PHACTR1: variants seen among roughly 807,000 people sequenced by gnomAD.
The protein encoded by PHACTR1 is phosphatase and actin regulator 1.
Under a neutral mutation model 69.2 loss-of-function variants are expected in PHACTR1, and 16 were observed. That is an observed-to-expected ratio of 0.23 (90% CI 0.16 to 0.35). The LOEUF is 0.35. PHACTR1 is among the 10% of genes least tolerant of loss of function. The pLI, the probability that PHACTR1 is intolerant of heterozygous loss-of-function variation, is 1.00. For synonymous variants in PHACTR1, 312 were observed against 284.5 expected (o/e 1.10, Z -0.97); for missense variants, 510 against 734.7 (o/e 0.69, Z 3.54).
At chr6:12,935,435 G>A (rs756118464) in intron 4 of PHACTR1, among the ~76,000 whole-genome samples, 1 of 151,954 alleles carries the variant, frequency 6.6e-6, no homozygotes, top group Non-Finnish European at 1.5e-5. Flanking sequence ...GTAGAAATGG[G>A]GTTTCACCAT....
intron 3 of PHACTR1, among the ~76,000 whole-genome samples, chr6:12,732,911 A>T (rs1163080564): frequency 6.6e-6 from 1 of 152,104 alleles, no homozygotes; most frequent in Non-Finnish European, 1.5e-5. Flanking sequence ...ATGTCCCTGG[A>T]TCTGTTCTGC....
In PHACTR1 at chr6:13,071,941, A is replaced by G. The variant is rs140079078; in HGVS notation, c.415+18412A>G. ...TGTTTCTAAGAAGATTATATGAAGC[A>G]ACTATGAACTGTAATTCAGCAGCAT... On this transcript the variant is annotated intron_variant, in intron 5 of 14. Transcript: ENST00000332995. 4.9e-4 allele frequency among the ~76,000 whole-genome samples: 75 copies of G among 152,356 alleles called. No individual in the cohort carries two copies. The Middle Eastern group carries it at 0.01, about 21-fold the overall frequency.
intron 5 of PHACTR1, among the ~76,000 whole-genome samples, chr6:13,143,653 T>C (rs1299087609): frequency 6.6e-6 from 1 of 152,098 alleles, no homozygotes; most frequent in African/African-American, 2.4e-5. Flanking sequence ...ACTTGAGTGA[T>C]AAAAATAAAT....
At chr6:13,194,896 C>G (rs1764154901) in intron 7 of PHACTR1, among the ~76,000 whole-genome samples, 1 of 151,992 alleles carries the variant, frequency 6.6e-6, no homozygotes, top group Non-Finnish European at 1.5e-5. Flanking sequence ...GGTTATGATT[C>G]CAGATCTGAG....
intron 4 of PHACTR1, among the ~76,000 whole-genome samples, chr6:12,889,808 T>G (rs1783996412): frequency 6.6e-6 from 1 of 150,742 alleles, no homozygotes; most frequent in Admixed American, 6.6e-5. Flanking sequence ...TTTTTTTTTT[T>G]TTTTTTAAAC....
rs1353221455 is a variant in PHACTR1, at chr6:13,179,564, A to G, written c.497-2955A>G. ...TTATTGCTACCCATCTTGGTCATAAATGATATTAATAATGAATTTGTACTT... is the reference window on the plus strand; with the variant it reads ...TTATTGCTACCCATCTTGGTCATAAGTGATATTAATAATGAATTTGTACTT... On this transcript the variant is annotated intron_variant, in intron 6 of 14. Transcript: ENST00000332995. This position sits in a 1 kb window ranked among gnomAD's most constrained non-coding sequence, Gnocchi z 4.2. Among the ~76,000 whole-genome samples, 1 of 152,178 alleles carries G rather than the reference A, an allele frequency of 6.6e-6. No individual in the cohort carries two copies. The highest frequency in any genetic ancestry group is 1.5e-5 in the Non-Finnish European group (1 of 68,034).
intron 5 of PHACTR1, among the ~76,000 whole-genome samples, chr6:13,133,738 G>A (rs1241502103): frequency 6.6e-5 from 10 of 151,888 alleles, no homozygotes; most frequent in Admixed American, 3.3e-4. Context: ...AGTGAGGAGC[G>A]TCTCTGCCTG....
intron 4 of PHACTR1, among the ~76,000 whole-genome samples, chr6:12,912,248 C>T (rs961707563): frequency 1.3e-5 from 2 of 152,218 alleles, no homozygotes; most frequent in African/African-American, 4.8e-5. Flanking sequence ...GATCCACCCA[C>T]CTTGTCCTCC....
intron 4 of PHACTR1, among the ~76,000 whole-genome samples, chr6:13,000,660 G>GGAA (rs1797991289): frequency 7.8e-6 from 1 of 128,284 alleles, no homozygotes; most frequent in Non-Finnish European, 1.6e-5. Flanking sequence ...AGGGAGGAAG[G>GGAA]GGAAGGAAGG....
intron 6 of PHACTR1, among the ~76,000 whole-genome samples, chr6:13,173,426 C>G (rs1021898421): frequency 6.6e-5 from 10 of 152,108 alleles, no homozygotes; most frequent in Non-Finnish European, 1.2e-4. Context: ...ACTATGGCAC[C>G]ATGTAATCAC....
At chr6:12,860,926 T>C (rs1446057683) in intron 4 of PHACTR1, among the ~76,000 whole-genome samples, 1 of 152,262 alleles carries the variant, frequency 6.6e-6, no homozygotes, top group Non-Finnish European at 1.5e-5. Context: ...CTAATTTTTA[T>C]GGGCAAGTAA....
rs551734457 is a variant in PHACTR1, at chr6:13,171,918, ACCATGC to A, written c.497-10598_497-10593del. ...GTAGCTGGGATTACAGGCATGCGCC[ACCATGC>A]CCGGCTAATTTTTTGTATTTTTTGT... is the stretch of plus-strand genomic sequence containing the variant. On this transcript the variant is annotated intron_variant, in intron 6 of 14. Transcript: ENST00000332995. 5.3e-4 allele frequency among the ~76,000 whole-genome samples: 81 copies of A among 152,284 alleles called. 3 individuals carry two copies. In the South Asian group the frequency reaches 0.011, roughly 20 times the overall value.
At chr6:12,792,355 T>C (rs1249966553) in intron 4 of PHACTR1, among the ~76,000 whole-genome samples, 5 of 147,898 alleles carry the variant, frequency 3.4e-5, no homozygotes, top group Non-Finnish European at 7.4e-5. Flanking sequence ...TCCCAGCTAC[T>C]TGGGAGGCTG....
At chr6:12,920,583 C>G (rs1274599252) in intron 4 of PHACTR1, among the ~76,000 whole-genome samples, 1 of 152,140 alleles carries the variant, frequency 6.6e-6, no homozygotes, top group Non-Finnish European at 1.5e-5. Context: ...TTTTCCCTGC[C>G]AGGCACTATA....
At chr6:12,909,343 C>T (rs983958259) in intron 4 of PHACTR1, among the ~76,000 whole-genome samples, 2 of 152,106 alleles carry the variant, frequency 1.3e-5, no homozygotes, top group African/African-American at 2.4e-5. Flanking sequence ...ATTGTGGTGC[C>T]GTCTTAAACT....
intron 3 of PHACTR1, chr6:12,749,336 G>C: frequency 2.2e-6 from 1 of 455,458 alleles, no homozygotes; most frequent in Non-Finnish European, 4.3e-6. Flanking sequence ...CTGGCCCCTC[G>C]GCCCTGTGGC....
chr6:13,227,385 T>G (rs1306843440), intron 8 of PHACTR1, among the ~76,000 whole-genome samples: 2 of 152,252 alleles, frequency 1.3e-5, no homozygotes, highest in Admixed American at 1.3e-4. Flanking sequence ...CACTATCAAA[T>G]TAATCCTTTA....
chr6:12,848,502 A>G (rs1779516075), intron 4 of PHACTR1, among the ~76,000 whole-genome samples: 1 of 152,188 alleles, frequency 6.6e-6, no homozygotes, highest in Non-Finnish European at 1.5e-5. Context: ...AGAGACTTTT[A>G]TTTGGAAATG....
chr6:13,188,595 C>T (rs1405993971), intron 7 of PHACTR1, among the ~76,000 whole-genome samples: 2 of 152,190 alleles, frequency 1.3e-5, no homozygotes, highest in African/African-American at 4.8e-5. Flanking sequence ...ACCAAATTCA[C>T]AGTCAGGGAA....
Sources: gnomAD v4.1 joint callset for allele counts (sites outside exome capture counted in the v4.1 genomes callset) on GRCh38, gnomAD v4.1.1 for gene constraint, Gnocchi (gnomAD v3.1) non-coding constraint, MANE v1.5 for transcripts, NCBI Gene and HGNC (gene_info 2026-07-23, HGNC 2026-07-21) for gene names.